MICAL3: variants seen among roughly 807,000 people sequenced by gnomAD.
MICAL3 encodes [F-actin]-monooxygenase MICAL3.
A neutral mutation model predicts 207.4 loss-of-function variants in MICAL3; 62 were observed. The observed-to-expected ratio is 0.30, with a 90% CI of 0.24 to 0.37. The LOEUF is 0.37. Ranked by LOEUF, MICAL3 falls within the 10% of genes least tolerant of loss-of-function variation. The pLI is 1.00. For missense variants in MICAL3, 2,368 were observed against 2,635.6 expected (o/e 0.90, Z 2.22); for synonymous variants, 1,077 against 1,069.3 (o/e 1.01, Z -0.14).
In MICAL3 at chr22:17,789,714, C is replaced by T. The variant is rs1157512295; in HGVS notation, c.*1018G>A. The T allele has an allele frequency of 2.0e-5, 3 of 152,292 alleles. No homozygotes were observed. Among genetic ancestry groups the T allele is most frequent in the East Asian group, 1.9e-4 (1 of 5,196 alleles). The allele number at this position is 152,292 out of a possible 1,614,324, so 9.4% of individuals were successfully genotyped here. A position where few individuals can be genotyped will look rare whatever the true frequency, so the allele number is the denominator to read the frequency against. Reference sequence around the variant, plus strand: ...CACCGGGCAGCCCCGGACCAGGTCGCGTAGGACGCACCAGATGCCGCTGTG... The same window carrying T: ...CACCGGGCAGCCCCGGACCAGGTCGTGTAGGACGCACCAGATGCCGCTGTG... On this transcript the variant is annotated 3_prime_UTR_variant, in exon 32 of 32. Coordinates refer to ENST00000441493, the MANE Select transcript of MICAL3 (RefSeq NM_015241.3).
intron 1 of MICAL3, among the ~76,000 whole-genome samples, chr22:17,944,634 C>T (rs867499617): frequency 1.3e-5 from 2 of 152,160 alleles, no homozygotes; most frequent in African/African-American, 4.8e-5. Context: ...GCACACGCAC[C>T]CACTGACGAT....
chr22:17,968,470 C>T (rs1935252694), intron 1 of MICAL3, among the ~76,000 whole-genome samples: 1 of 152,162 alleles, frequency 6.6e-6, no homozygotes, highest in African/African-American at 2.4e-5. Flanking sequence ...GAGACCTCAC[C>T]AGACCCTGGC....
chr22:17,855,778 G>A (rs548018910), intron 19 of MICAL3, among the ~76,000 whole-genome samples: 1 of 152,302 alleles, frequency 6.6e-6, no homozygotes, highest in African/African-American at 2.4e-5. Context: ...ACTCTGGGAT[G>A]GTTGTCAAAT....
chr22:17,992,053 A>T (rs2146464400), intron 1 of MICAL3, among the ~76,000 whole-genome samples: 1 of 152,296 alleles, frequency 6.6e-6, no homozygotes, highest in South Asian at 2.1e-4. Context: ...TAGAGCACCT[A>T]GGAAAGGGCA....
chr22:17,967,727 G>A (rs1270338262), intron 1 of MICAL3, among the ~76,000 whole-genome samples: 2 of 152,184 alleles, frequency 1.3e-5, no homozygotes, highest in East Asian at 3.9e-4. Context: ...GGGCAACACA[G>A]CGAAACCCCT....
intron 27 of MICAL3, chr22:17,814,596 T>C (rs958698357): frequency 3.3e-5 from 5 of 152,238 alleles, no homozygotes; most frequent in African/African-American, 1.2e-4. Context: ...ATCCATGTCT[T>C]GAATAGGCAC....
chr22:17,863,755 A>T, intron 19 of MICAL3: 1 of 985,432 alleles, frequency 1.0e-6, no homozygotes. Context: ...TACATGAACC[A>T]GCTGTTAGGG....
chr22:17,998,262 T>C (rs189696921), intron 1 of MICAL3, among the ~76,000 whole-genome samples: 43 of 152,198 alleles, frequency 2.8e-4, no homozygotes, highest in African/African-American at 3.4e-4. Context: ...GACTGCGCCA[T>C]TGCACTCCAG....
chr22:17,893,940 T>A (rs1407560418), intron 10 of MICAL3, 36 bp from the exon 11 acceptor site: 2 of 1,454,172 alleles, frequency 1.4e-6, no homozygotes, highest in African/African-American at 2.8e-5. Context: ...AGAAAGAAAA[T>A]CAAATATCAA....
At chr22:17,977,388 G>A (rs1353587819) in intron 1 of MICAL3, among the ~76,000 whole-genome samples, 1 of 152,120 alleles carries the variant, frequency 6.6e-6, no homozygotes, top group African/African-American at 2.4e-5. Flanking sequence ...GATTTGGACA[G>A]ATATTTATCT....
Position 17,893,867 on chromosome 22 carries a change from A to C in MICAL3, c.1487T>G (p.Ile496Ser). The C allele has an allele frequency of 1.3e-6, 2 of 1,570,560 alleles. No individual in the cohort carries two copies. The highest frequency in any genetic ancestry group is 2.3e-5 in the South Asian group (2 of 85,366). The change falls in exon 11 of 32, where the codon ATT becomes AGT. Residue 496 changes from isoleucine (I) to serine (S), a missense_variant. Ile to Ser is a moderately radical substitution (Grantham distance 142). Coordinates refer to ENST00000441493, the MANE Select transcript of MICAL3 (RefSeq NM_015241.3). ...CACCAGGCTCTCCATTTCCAGGTGAATATCTTTTGTTTCGCCAGTATCATA... is the reference window on the plus strand; with the variant it reads ...CACCAGGCTCTCCATTTCCAGGTGACTATCTTTTGTTTCGCCAGTATCATA... ...HLYDTGETKD[I>S]HLEMESLVNS...
At chr22:18,018,667 A>G (rs1924228494) in intron 1 of MICAL3, among the ~76,000 whole-genome samples, 1 of 152,172 alleles carries the variant, frequency 6.6e-6, no homozygotes, top group Non-Finnish European at 1.5e-5. Context: ...GGTTGTAGTG[A>G]GTCAAGATTG....
At chr22:17,979,104 G>A (rs1935787813) in intron 1 of MICAL3, among the ~76,000 whole-genome samples, 1 of 151,978 alleles carries the variant, frequency 6.6e-6, no homozygotes, top group Admixed American at 6.6e-5. Context: ...AGCCCAGGAG[G>A]TTGTGGCTGC....
rs544906562 is a variant in MICAL3 at position 17,903,578 on chromosome 22, G to A, written c.473-831C>T. The stretch of plus-strand genomic sequence containing the variant: ...CAGGAGCAATGCAAATCCTCCTCAC[G>A]TCATCTTGGTTGTTCTCCCCAGTTT... On this transcript the variant is annotated intron_variant, in intron 3 of 31. Coordinates refer to ENST00000441493, the MANE Select transcript of MICAL3 (RefSeq NM_015241.3). 5.3e-5 allele frequency among the ~76,000 whole-genome samples: 8 copies of A among 152,292 alleles called. No homozygotes were observed. In the South Asian group the frequency reaches 6.2e-4, roughly 12 times the overall value.
At chr22:18,012,064 G>C (rs535357001) in intron 1 of MICAL3, among the ~76,000 whole-genome samples, 14 of 151,920 alleles carry the variant, frequency 9.2e-5, no homozygotes, top group Middle Eastern at 3.4e-3. Context: ...GTGAAACCCC[G>C]TCTCTACTAA....
At chr22:17,803,920 C>A (rs1303436768) in intron 29 of MICAL3, 3 of 765,878 alleles carry the variant, frequency 3.9e-6, no homozygotes, top group Non-Finnish European at 4.8e-6. Flanking sequence ...CCTGTCCCCC[C>A]ATACCCAATC....
intron 17 of MICAL3, among the ~76,000 whole-genome samples, chr22:17,870,706 G>C (rs1289585185): frequency 6.6e-6 from 1 of 152,182 alleles, no homozygotes; most frequent in Non-Finnish European, 1.5e-5. Flanking sequence ...GTGTGTGTGA[G>C]AGGTGGAACA....
chr22:17,972,915 C>G (rs1370103295), intron 1 of MICAL3, among the ~76,000 whole-genome samples: 1 of 152,256 alleles, frequency 6.6e-6, no homozygotes, highest in African/African-American at 2.4e-5. Context: ...CAAGCGCCTG[C>G]AGCCCCTACA....
intron 1 of MICAL3, among the ~76,000 whole-genome samples, chr22:17,929,661 G>A (rs1933143465): frequency 7.2e-6 from 1 of 138,842 alleles, no homozygotes; most frequent in South Asian, 2.3e-4. Flanking sequence ...TCCGCCTCCC[G>A]GGTTCATGCC....
Sources: gnomAD v4.1 joint callset for allele counts (sites outside exome capture counted in the v4.1 genomes callset) on GRCh38, gnomAD v4.1.1 for gene constraint, MANE v1.5 for transcripts, NCBI Gene and HGNC (gene_info 2026-07-23, HGNC 2026-07-21) for gene names.